The following BRINP1 variants were observed in gnomAD, a reference collection of about 807,000 sequenced individuals.
The protein encoded by BRINP1 is BMP/retinoic acid-inducible neural-specific protein 1.
A neutral mutation model predicts 72.9 loss-of-function variants in BRINP1; 17 were observed. That is an observed-to-expected ratio of 0.23 (90% CI 0.16 to 0.35). BRINP1 has a LOEUF of 0.35. BRINP1 is among the 10% of genes least tolerant of loss of function. The pLI is 1.00. For synonymous variants in BRINP1, 418 were observed against 378.5 expected, an observed-to-expected ratio of 1.10 and a Z score of -1.21; for missense variants, 850 against 1,001.6, an observed-to-expected ratio of 0.85 and a Z score of 2.04.
intron 2 of BRINP1, among the ~76,000 whole-genome samples, chr9:119,284,056 G>A (rs960903046): frequency 6.6e-6 from 1 of 152,124 alleles, no homozygotes; most frequent in African/African-American, 2.4e-5. Context: ...GAGATCCTCA[G>A]CTGATTCAAA....
At chr9:119,235,178 A>G (rs1830182391) in intron 5 of BRINP1, among the ~76,000 whole-genome samples, 1 of 152,166 alleles carries the variant, frequency 6.6e-6, no homozygotes, top group African/African-American at 2.4e-5. Context: ...CAAGAGTCAG[A>G]ATGATCTTCT....
At chr9:119,203,392 C>T (rs1480942925) in intron 7 of BRINP1, among the ~76,000 whole-genome samples, 2 of 152,152 alleles carry the variant, frequency 1.3e-5, no homozygotes, top group Non-Finnish European at 2.9e-5. Flanking sequence ...AAATATATGT[C>T]ACCAATGCTC....
At chr9:119,331,909 A>T (rs1345136529) in intron 1 of BRINP1, among the ~76,000 whole-genome samples, 1 of 152,182 alleles carries the variant, frequency 6.6e-6, no homozygotes, top group Non-Finnish European at 1.5e-5. Flanking sequence ...GTGTATAGGG[A>T]TCTGCACTTT....
chr9:119,234,315 TGCTGTGTTA>T (rs1020843706), intron 5 of BRINP1, among the ~76,000 whole-genome samples: 61 of 152,326 alleles, frequency 4.0e-4, no homozygotes, highest in African/African-American at 1.4e-3. Context: ...TCATGCTCAT[TGCTGTGTTA>T]TATTAAATTG....
At chr9:119,285,912 G>A (rs926128319) in intron 2 of BRINP1, among the ~76,000 whole-genome samples, 11 of 152,076 alleles carry the variant, frequency 7.2e-5, no homozygotes, top group African/African-American at 2.4e-4. Flanking sequence ...CTTATACCAG[G>A]AAGGAAAACT....
chr9:119,180,780 T>C (rs1304672402), intron 7 of BRINP1, among the ~76,000 whole-genome samples: 1 of 152,168 alleles, frequency 6.6e-6, no homozygotes, highest in East Asian at 1.9e-4. Flanking sequence ...ATTAAGTAGC[T>C]CATAATAATA....
chr9:119,303,745 AGTT>A (rs1830964805), intron 2 of BRINP1, among the ~76,000 whole-genome samples: 1 of 152,120 alleles, frequency 6.6e-6, no homozygotes, highest in Non-Finnish European at 1.5e-5. Flanking sequence ...TCCCCACTGC[AGTT>A]GTTGGAAGTC....
intron 1 of BRINP1, among the ~76,000 whole-genome samples, chr9:119,332,536 G>A (rs779009539): frequency 6.6e-6 from 1 of 152,164 alleles, no homozygotes; most frequent in Non-Finnish European, 1.5e-5. Context: ...CCTTTGGTCA[G>A]ATGAGGCAGA....
Position 119,369,277 on chromosome 9 carries a change from T to G in BRINP1, c.-272A>C, listed in dbSNP as rs1831729575. ...CATGAATCCCGGCTCCGGAAGGCGG[T>G]CACTACTCCCTCTGCCTCCCGGCTC... On this transcript the variant is annotated 5_prime_UTR_variant, in exon 1 of 8. Transcript: ENST00000265922. 1 of 398,668 alleles carries G rather than the reference T, an allele frequency of 2.5e-6. No individual in the cohort carries two copies. Among genetic ancestry groups the G allele is most frequent in the Non-Finnish European group, 4.4e-6 (1 of 226,214 alleles). 24.7% of individuals were successfully genotyped at this position (398,668 alleles called of 1,614,324 possible).
chr9:119,168,361 G>A, intron 7 of BRINP1, 137 bp from the exon 8 acceptor site: 1 of 626,880 alleles, frequency 1.6e-6, no homozygotes, highest in Non-Finnish European at 2.6e-6. Context: ...TACAGGAAGG[G>A]CATCGAATAT....
intron 2 of BRINP1, among the ~76,000 whole-genome samples, chr9:119,306,402 A>T (rs373885877): frequency 6.6e-5 from 10 of 152,288 alleles, no homozygotes; most frequent in African/African-American, 2.4e-4. Context: ...CTTGATAAAA[A>T]ATTTGGATTA....
intron 1 of BRINP1, among the ~76,000 whole-genome samples, chr9:119,345,767 G>A (rs934659585): frequency 6.6e-6 from 1 of 152,144 alleles, no homozygotes; most frequent in Non-Finnish European, 1.5e-5. Flanking sequence ...CACCATTTCC[G>A]ATGTGTAAGC....
At chr9:119,334,067 A>G (rs1384726430) in intron 1 of BRINP1, among the ~76,000 whole-genome samples, 2 of 152,218 alleles carry the variant, frequency 1.3e-5, no homozygotes, top group East Asian at 1.9e-4. Context: ...CAGTCTGAGA[A>G]GAAGGCCGCT....
chr9:119,305,916 A>C (rs114482221), intron 2 of BRINP1, among the ~76,000 whole-genome samples: 1 of 152,202 alleles, frequency 6.6e-6, no homozygotes, highest in African/African-American at 2.4e-5. Context: ...ATGAGTGAGT[A>C]AGCTGCAGGT....
intron 1 of BRINP1, among the ~76,000 whole-genome samples, chr9:119,363,160 T>C (rs1369157140): frequency 6.6e-6 from 1 of 152,208 alleles, no homozygotes; most frequent in East Asian, 1.9e-4. Flanking sequence ...TGTAGTATAG[T>C]AGTGCAATCA....
At chr9:119,183,875 G>A (rs928787264) in intron 7 of BRINP1, among the ~76,000 whole-genome samples, 32 of 152,108 alleles carry the variant, frequency 2.1e-4, no homozygotes, top group Non-Finnish European at 4.4e-5. Flanking sequence ...CTAGTGACTT[G>A]TCACATCACT....
chr9:119,264,203 G>C (rs552383795), intron 2 of BRINP1, among the ~76,000 whole-genome samples: 3 of 152,160 alleles, frequency 2.0e-5, no homozygotes, highest in Non-Finnish European at 4.4e-5. Flanking sequence ...CACCTTAGTG[G>C]GTTCATTTTT....
intron 2 of BRINP1, among the ~76,000 whole-genome samples, chr9:119,295,011 C>T (rs1012575852): frequency 9.2e-5 from 14 of 151,428 alleles, no homozygotes; most frequent in African/African-American, 3.4e-4. Context: ...AAAAAAAAAA[C>T]TTAAAATATG....
At chr9:119,314,245 T>G (rs1831102012) in intron 1 of BRINP1, among the ~76,000 whole-genome samples, 1 of 152,188 alleles carries the variant, frequency 6.6e-6, no homozygotes, top group Admixed American at 6.6e-5. Context: ...GGCACAGTGG[T>G]GCTGCGAGGG....
Sources: gnomAD v4.1 joint callset for allele counts (sites outside exome capture counted in the v4.1 genomes callset) on GRCh38, gnomAD v4.1.1 for gene constraint, MANE v1.5 for transcripts, NCBI Gene and HGNC (gene_info 2026-07-23, HGNC 2026-07-21) for gene names.